ME3: variants seen among roughly 807,000 people sequenced by gnomAD.
The protein encoded by ME3 is NADP-dependent malic enzyme, mitochondrial.
ME3 carries 48 observed loss-of-function variants against 68.9 expected under a neutral mutation model. The ratio of observed to expected loss-of-function variants is 0.70; its 90% CI spans 0.55 to 0.89. The LOEUF (loss-of-function observed/expected upper bound fraction) is 0.89. Ranked by LOEUF, ME3 falls within the 40% of genes least tolerant of loss-of-function variation. The pLI is 0.00. For synonymous variants in ME3, 320 were observed against 318.8 expected (o/e 1.00, Z -0.04); for missense variants, 675 against 797.4 (o/e 0.85, Z 1.85).
chr11:86,508,996 C>T (rs560686963), intron 4 of ME3, 129 bp from the exon 5 acceptor site: 25 of 719,500 alleles, frequency 3.5e-5, no homozygotes, highest in Middle Eastern at 4.8e-4. Context: ...GATTCCTGCC[C>T]GAGGCCCCAG....
At chr11:86,582,411 G>C (rs1958491753) in intron 2 of ME3, among the ~76,000 whole-genome samples, 1 of 152,172 alleles carries the variant, frequency 6.6e-6, no homozygotes, top group South Asian at 2.1e-4. Flanking sequence ...GTTGATTCCA[G>C]GGCTTTTTAC....
chr11:86,645,310 TG>T (rs1260324671), intron 2 of ME3, among the ~76,000 whole-genome samples: 21 of 152,200 alleles, frequency 1.4e-4, no homozygotes, highest in African/African-American at 4.6e-4. Context: ...TAAGATCCAC[TG>T]GCTTGAAATT....
chr11:86,516,047 T>C (rs1461250042), intron 4 of ME3, among the ~76,000 whole-genome samples: 3 of 152,220 alleles, frequency 2.0e-5, no homozygotes, highest in Non-Finnish European at 2.9e-5. Context: ...GTCATTAGAA[T>C]GCAACTTCTT....
At chr11:86,460,093 T>C (rs1256193058) in intron 8 of ME3, among the ~76,000 whole-genome samples, 1 of 152,164 alleles carries the variant, frequency 6.6e-6, no homozygotes, top group Non-Finnish European at 1.5e-5. Context: ...CTTTCTTTCC[T>C]CCCTAAGAGC....
At chr11:86,459,381 C>G (rs1299366632) in intron 8 of ME3, among the ~76,000 whole-genome samples, 3 of 152,184 alleles carry the variant, frequency 2.0e-5, no homozygotes, top group African/African-American at 7.2e-5. Context: ...TTTCCTTCTT[C>G]CCTCCCGTAT....
chr11:86,516,386 T>A (rs547127766), intron 4 of ME3, among the ~76,000 whole-genome samples: 1 of 95,934 alleles, frequency 1.0e-5, no homozygotes, highest in Non-Finnish European at 2.2e-5. Context: ...TGTGTGTGTA[T>A]ATATATATAT....
At chr11:86,511,071 C>G (rs191886886) in intron 4 of ME3, among the ~76,000 whole-genome samples, 1 of 152,306 alleles carries the variant, frequency 6.6e-6, no homozygotes, top group Non-Finnish European at 1.5e-5. Flanking sequence ...TTCTAAATAA[C>G]TCCTGGTTCA....
chr11:86,564,975 A>G (rs1957408485), intron 2 of ME3, among the ~76,000 whole-genome samples: 1 of 152,224 alleles, frequency 6.6e-6, no homozygotes, highest in South Asian at 2.1e-4. Flanking sequence ...CAGAATATAC[A>G]AAGGACTCCT....
intron 4 of ME3, among the ~76,000 whole-genome samples, chr11:86,509,659 T>A (rs1213196122): frequency 6.2e-5 from 9 of 146,068 alleles, no homozygotes; most frequent in African/African-American, 2.0e-4. Flanking sequence ...GAAGAGGGGG[T>A]GGGTTCTGGA....
intron 7 of ME3, among the ~76,000 whole-genome samples, chr11:86,474,236 G>A (rs1336084510): frequency 2.6e-5 from 4 of 152,266 alleles, no homozygotes; most frequent in Admixed American, 6.5e-5. Flanking sequence ...CCATTGACTC[G>A]CAACATAGTC....
intron 2 of ME3, among the ~76,000 whole-genome samples, chr11:86,563,104 T>G (rs1957319039): frequency 6.6e-6 from 1 of 152,180 alleles, no homozygotes; most frequent in African/African-American, 2.4e-5. Context: ...ATGTTTTTGC[T>G]ATTGTGAATA....
intron 2 of ME3, among the ~76,000 whole-genome samples, chr11:86,610,953 G>A (rs1335107741): frequency 6.6e-6 from 1 of 152,150 alleles, no homozygotes; most frequent in Non-Finnish European, 1.5e-5. Flanking sequence ...CTGTAGCACT[G>A]GGGTCTGGAC....
At chr11:86,508,763 A>T in intron 5 of ME3, 29 bp downstream of exon 5, 1 of 1,574,812 alleles carries the variant, frequency 6.3e-7, no homozygotes. Flanking sequence ...CCCAACAATG[A>T]TTAAATAGCA....
chr11:86,511,981 A>G (rs35042210), intron 4 of ME3, among the ~76,000 whole-genome samples: 35,856 of 151,904 alleles, frequency 0.24, 4,337 homozygotes, highest in African/African-American at 0.26. Flanking sequence ...TTCATCCCCA[A>G]TCAGCAGTGC....
intron 2 of ME3, among the ~76,000 whole-genome samples, chr11:86,600,514 C>G (rs1026031993): frequency 2.7e-5 from 4 of 149,942 alleles, no homozygotes; most frequent in South Asian, 2.1e-4. Context: ...GAGACTTTAA[C>G]ACCCCACTGT....
chr11:86,481,208 A>ATTTTTT (rs71040240), intron 7 of ME3, among the ~76,000 whole-genome samples: 1 of 105,900 alleles, frequency 9.4e-6, no homozygotes, highest in African/African-American at 3.9e-5. Context: ...CACCCAGCTG[A>ATTTTTT]TTTTTTTTTT....
At chr11:86,517,292 A>G (rs878933778) in intron 4 of ME3, among the ~76,000 whole-genome samples, 2 of 152,138 alleles carry the variant, frequency 1.3e-5, no homozygotes, top group Non-Finnish European at 2.9e-5. Context: ...TTTTTGCCAC[A>G]TAACCTGTAG....
chr11:86,664,516 C>G (rs1946473586), intron 2 of ME3, among the ~76,000 whole-genome samples: 1 of 152,210 alleles, frequency 6.6e-6, no homozygotes, highest in African/African-American at 2.4e-5. Flanking sequence ...GTTCCAGGAA[C>G]AGCAAATCTC....
At chr11:86,658,702 C>T (rs1052243709) in intron 2 of ME3, among the ~76,000 whole-genome samples, 2 of 152,006 alleles carry the variant, frequency 1.3e-5, no homozygotes, top group Non-Finnish European at 2.9e-5. Context: ...GGCAGGCCCT[C>T]GCTCCTGGCA....
Sources: allele counts gnomAD v4.1 joint callset (sites outside exome capture counted in the v4.1 genomes callset), GRCh38; gene constraint gnomAD v4.1.1; transcripts MANE v1.5; gene names NCBI Gene and HGNC (gene_info 2026-07-23, HGNC 2026-07-21).